Variants in MAP4K5 observed in about 807,000 individuals in gnomAD.
MAP4K5 encodes the protein MAPK/ERK kinase kinase kinase 5.
A neutral mutation model predicts 135.6 loss-of-function variants in MAP4K5; 82 were observed. The observed-to-expected ratio is 0.60, with a 90% CI of 0.51 to 0.73. The LOEUF is 0.73. Among genes scored for constraint, MAP4K5 ranks in the 30% least tolerant of loss-of-function variants. MAP4K5 has a pLI of 0.00. For synonymous variants in MAP4K5, 347 were observed against 335.0 expected (o/e 1.04, Z -0.39); for missense variants, 907 against 1,010.9 (o/e 0.90, Z 1.39).
intron 14 of MAP4K5, among the ~76,000 whole-genome samples, chr14:50,453,743 C>T (rs971970653): frequency 1.3e-5 from 2 of 152,086 alleles, no homozygotes; most frequent in Non-Finnish European, 2.9e-5. Context: ...CAGATACATC[C>T]CTACTTTGCA....
chr14:50,512,493 G>A (rs2037950360), intron 2 of MAP4K5, among the ~76,000 whole-genome samples: 1 of 152,080 alleles, frequency 6.6e-6, no homozygotes, highest in Non-Finnish European at 1.5e-5. Flanking sequence ...GGTTACAGAA[G>A]TAAAATGCAA....
chr14:50,536,464 C>T (rs933090417), upstream of MAP4K5, among the ~76,000 whole-genome samples: 1 of 151,046 alleles, frequency 6.6e-6, no homozygotes, highest in Non-Finnish European at 1.5e-5. Flanking sequence ...AAAATTGTTA[C>T]CAGTAGAGTG....
intron 14 of MAP4K5, chr14:50,449,046 TC>T (rs1454287183): frequency 2.1e-6 from 1 of 471,640 alleles, no homozygotes; most frequent in East Asian, 3.8e-5. Context: ...TCTACTTAAT[TC>T]TTGTTTGGAA....
intron 9 of MAP4K5, chr14:50,472,672 T>C (rs2036993124): frequency 1.3e-5 from 2 of 152,196 alleles, no homozygotes; most frequent in Admixed American, 6.5e-5. Context: ...ACATATGGAA[T>C]GTGGGGATGC....
At chr14:50,498,793 T>C (rs2037647388) in intron 3 of MAP4K5, among the ~76,000 whole-genome samples, 1 of 152,208 alleles carries the variant, frequency 6.6e-6, no homozygotes, top group Non-Finnish European at 1.5e-5. Flanking sequence ...TTTTTCTAAG[T>C]CACACTGGCA....
intron 2 of MAP4K5, among the ~76,000 whole-genome samples, chr14:50,508,070 C>A (rs1039447176): frequency 6.6e-6 from 1 of 152,110 alleles, no homozygotes; most frequent in Non-Finnish European, 1.5e-5. Flanking sequence ...GTTAGCTCTT[C>A]TTGTTGAATT....
chr14:50,432,604 CA>C (rs1188599133), intron 28 of MAP4K5, among the ~76,000 whole-genome samples: 4 of 149,322 alleles, frequency 2.7e-5, no homozygotes, highest in African/African-American at 5.1e-5. Context: ...AAACATACCC[CA>C]AAAGGAACTC....
At position 50,457,731 on chromosome 14, in the gene MAP4K5, T is replaced by C. The variant is rs146540785; in HGVS notation, c.937-1137A>G. Among the ~76,000 whole-genome samples the C allele has an allele frequency of 1.8e-3, 278 of 152,310 alleles. 1 individual carries two copies. The highest frequency in any genetic ancestry group is 6.5e-3 in the African/African-American group (270 of 41,566). On this transcript the variant is annotated intron_variant, in intron 13 of 32. Transcript: ENST00000682126. The stretch of plus-strand genomic sequence containing the variant: ...TCTATATTACAAATCTCTGATCTTT[T>C]GAGCTTACTCTCTCACTCCCATAAC...
intron 2 of MAP4K5, among the ~76,000 whole-genome samples, chr14:50,538,272 A>G (rs1049227148): frequency 1.3e-5 from 2 of 152,164 alleles, no homozygotes; most frequent in Non-Finnish European, 2.9e-5. Context: ...TTCTGCCACA[A>G]TTGTGAGGCT....
At chr14:50,537,271 T>G (rs1483165907), upstream of MAP4K5, among the ~76,000 whole-genome samples, 1 of 152,198 alleles carries the variant, frequency 6.6e-6, no homozygotes, top group East Asian at 1.9e-4. Flanking sequence ...CCACGTGGTG[T>G]TGAGCCTTCT....
intron 3 of MAP4K5, among the ~76,000 whole-genome samples, chr14:50,498,991 GA>G (rs1174213429): frequency 6.6e-5 from 10 of 152,060 alleles, no homozygotes; most frequent in Admixed American, 4.6e-4. Flanking sequence ...TGAATGTTGG[GA>G]AAATTCATTA....
At chr14:50,499,705 T>C (rs2037667627) in intron 3 of MAP4K5, among the ~76,000 whole-genome samples, 1 of 151,662 alleles carries the variant, frequency 6.6e-6, no homozygotes, top group Non-Finnish European at 1.5e-5. Flanking sequence ...AATTCATTAC[T>C]TTCCAAAGTA....
chr14:50,548,666 C>T (rs569931204), intron 1 of MAP4K5, among the ~76,000 whole-genome samples: 4 of 152,234 alleles, frequency 2.6e-5, no homozygotes, highest in African/African-American at 4.8e-5. Flanking sequence ...CACACCGCCA[C>T]GCCCAGCTAA....
intron 29 of MAP4K5, 30 bp from the exon 30 acceptor site, chr14:50,428,784 A>G: frequency 9.6e-7 from 1 of 1,046,344 alleles, no homozygotes; most frequent in Non-Finnish European, 1.4e-6. Context: ...TCAAGACTGG[A>G]CATGCAAATC....
chr14:50,441,304 G>A (rs923739447), intron 21 of MAP4K5, among the ~76,000 whole-genome samples: 12 of 152,044 alleles, frequency 7.9e-5, no homozygotes, highest in Non-Finnish European at 2.9e-5. Flanking sequence ...AATGGAGAAG[G>A]CTAGTGAACA....
chr14:50,555,238 G>C (rs2038751139), intron 1 of MAP4K5, among the ~76,000 whole-genome samples: 1 of 151,326 alleles, frequency 6.6e-6, no homozygotes. Flanking sequence ...ATGGAAGAAG[G>C]CATGAAGAAC....
chr14:50,552,292 C>T (rs981372525), intron 1 of MAP4K5, among the ~76,000 whole-genome samples: 1 of 152,086 alleles, frequency 6.6e-6, no homozygotes, highest in Non-Finnish European at 1.5e-5. Flanking sequence ...AAATAAAATA[C>T]TTAGGAATAT....
At chr14:50,487,886 CG>C (rs2037401381) in intron 3 of MAP4K5, among the ~76,000 whole-genome samples, 1 of 152,108 alleles carries the variant, frequency 6.6e-6, no homozygotes, top group Non-Finnish European at 1.5e-5. Flanking sequence ...TTCTCCTTTA[CG>C]CATGCTAATT....
Position 50,456,503 on chromosome 14 carries a change from A to G in MAP4K5, c.1015+13T>C, listed in dbSNP as rs1322088090. Reference sequence around the variant, plus strand: ...CCAAAACCACCAATGGAAAATGTAAACCAAACACATACAATTTATTTCTGA... The same window carrying G: ...CCAAAACCACCAATGGAAAATGTAAGCCAAACACATACAATTTATTTCTGA... On this transcript the variant is annotated intron_variant, in intron 14 of 32. Coordinates refer to ENST00000682126, the MANE Select transcript of MAP4K5 (RefSeq NM_006575.6). The G allele has an allele frequency of 6.4e-7, 1 of 1,551,652 alleles. No homozygotes were observed. The highest frequency in any genetic ancestry group is 1.9e-5 in the Admixed American group (1 of 52,368).
Sources: gnomAD v4.1 joint callset for allele counts (sites outside exome capture counted in the v4.1 genomes callset) on GRCh38, gnomAD v4.1.1 for gene constraint, MANE v1.5 for transcripts, NCBI Gene and HGNC (gene_info 2026-07-23, HGNC 2026-07-21) for gene names.